ABCG8: variants seen among roughly 807,000 people sequenced by gnomAD.
ABCG8 encodes the protein ATP-binding cassette sub-family G member 8.
ABCG8 carries 81 observed loss-of-function variants against 71.3 expected under a neutral mutation model. That is an observed-to-expected ratio of 1.14 (90% CI 0.95 to 1.37). ABCG8 has a LOEUF of 1.37. ABCG8 is among the 40% of genes most tolerant of loss of function. The pLI is 0.00. For synonymous variants in ABCG8, 451 were observed against 354.7 expected (o/e 1.27, Z -3.05); for missense variants, 1,119 against 866.2 (o/e 1.29, Z -3.66).
chr2:43,839,032 G>T lies in ABCG8; in HGVS notation c.-22G>T. 6.4e-7 allele frequency: 1 copy of T among 1,550,474 alleles called. No homozygotes were observed. Among genetic ancestry groups the T allele is most frequent in the Non-Finnish European group, 8.7e-7 (1 of 1,146,518 alleles). On this transcript the variant is annotated 5_prime_UTR_variant, in exon 1 of 13. It adds an upstream start codon to the 5' untranslated region. Coordinates refer to ENST00000272286, the MANE Select transcript of ABCG8 (RefSeq NM_022437.3). ...CTGGGTCTAAGAGAGCTGCAGCCCAGGGTCACAGACCTGTGGGCCCCATGG... is the reference window on the plus strand; with the variant it reads ...CTGGGTCTAAGAGAGCTGCAGCCCATGGTCACAGACCTGTGGGCCCCATGG...
chr2:43,875,419 G>T lies in ABCG8; in HGVS notation c.1756+6G>T, dbSNP rs375563605. The T allele has an allele frequency of 5.7e-5, 92 of 1,611,648 alleles. No homozygotes were observed. In the Admixed American group the frequency reaches 5.8e-4, roughly 10 times the overall value. On this transcript the variant is annotated splice_donor_region_variant and intron_variant, in intron 11 of 12. Transcript: ENST00000272286. The stretch of plus-strand genomic sequence containing the variant: ...CTTGAGCAGCCTGTGGACAGGTAAG[G>T]CCTGCCCCCGGGGCCTGGGCCAGCT...
rs111586919 is a variant in ABCG8, at chr2:43,861,838, C to T, written c.964+8970C>T. Among the ~76,000 whole-genome samples the T allele has an allele frequency of 1.9e-3, 281 of 149,516 alleles. 1 individual carries two copies. The highest frequency in any genetic ancestry group is 6.6e-3 in the African/African-American group (270 of 40,722). On this transcript the variant is annotated intron_variant, in intron 6 of 12. Transcript: ENST00000272286. ...TAGAATTCTCACTCTCTGGGTAGAA[C>T]TCTCACTATCTATCTGGATAGAATT...
chr2:43,843,561 G>T (rs1288655174), intron 1 of ABCG8, among the ~76,000 whole-genome samples: 7 of 152,052 alleles, frequency 4.6e-5, no homozygotes, highest in African/African-American at 1.7e-4. Flanking sequence ...GGCTGAGGTG[G>T]GAGGATTGCT....
chr2:43,840,567 A>T (rs139601678), intron 1 of ABCG8, among the ~76,000 whole-genome samples: 256 of 152,338 alleles, frequency 1.7e-3, no homozygotes, highest in African/African-American at 4.5e-3. Flanking sequence ...GATGAGGGTC[A>T]CATTTCCTAT....
Position 43,874,005 on chromosome 2 carries a change from C to T in ABCG8, c.1411+19C>T. 1.2e-6 allele frequency: 2 copies of T among 1,612,908 alleles called. No homozygotes were observed. Among genetic ancestry groups the T allele is most frequent in the Non-Finnish European group, 1.7e-6 (2 of 1,179,852 alleles). On this transcript the variant is annotated intron_variant, in intron 9 of 12. Transcript: ENST00000272286. ...TCCAAATGTGAGTGTGGCCCACTGG[C>T]ATGGGCAGGCAGGACCTCAGCCACC... is the stretch of plus-strand genomic sequence containing the variant.
intron 6 of ABCG8, among the ~76,000 whole-genome samples, chr2:43,869,665 A>G (rs1457680100): frequency 1.3e-5 from 2 of 151,764 alleles, no homozygotes; most frequent in Non-Finnish European, 2.9e-5. Context: ...AAATTTCTCT[A>G]TCTATCTGGA....
At chr2:43,859,940 G>T (rs1024280617) in intron 6 of ABCG8, among the ~76,000 whole-genome samples, 7 of 150,848 alleles carry the variant, frequency 4.6e-5, no homozygotes, top group African/African-American at 1.7e-4. Context: ...TGTCTGGAGA[G>T]AATACTCATT....
Position 43,875,181 on chromosome 2 carries a change from C to T in ABCG8, c.1524C>T (p.Ile508=), listed in dbSNP as rs765267492. The T allele has an allele frequency of 3.7e-5, 59 of 1,614,122 alleles. No homozygotes were observed. Among genetic ancestry groups the T allele is most frequent in the Non-Finnish European group, 4.9e-5 (58 of 1,180,048 alleles). ...AGCTTCCGGAGCACTGTGCCTACAT[C>T]ATCATCTACGGGATGCCCACCTACT... ...LGELPEHCAY[I]IIYGMPTYWL... is the part of the protein sequence containing the mutation. Residue 508 remains isoleucine, a synonymous_variant, in exon 11 of 13, where the codon ATC becomes ATT. Coordinates refer to ENST00000272286, the MANE Select transcript of ABCG8 (RefSeq NM_022437.3).
intron 6 of ABCG8, among the ~76,000 whole-genome samples, chr2:43,856,814 C>T (rs1211855748): frequency 6.6e-6 from 1 of 151,412 alleles, no homozygotes; most frequent in African/African-American, 2.4e-5. Context: ...AATTCTCACC[C>T]TCTGGATAGA....
At chr2:43,866,563 G>A (rs1369826827) in intron 6 of ABCG8, among the ~76,000 whole-genome samples, 2 of 152,020 alleles carry the variant, frequency 1.3e-5, no homozygotes, top group African/African-American at 4.8e-5. Flanking sequence ...CTCAAAAGAA[G>A]ACATTTATGC....
chr2:43,869,065 C>T (rs1669653701), intron 6 of ABCG8, among the ~76,000 whole-genome samples: 1 of 152,144 alleles, frequency 6.6e-6, no homozygotes, highest in Non-Finnish European at 1.5e-5. Flanking sequence ...ACAACTCTCA[C>T]TATCTGGATA....
intron 6 of ABCG8, among the ~76,000 whole-genome samples, chr2:43,863,280 G>C (rs1669396513): frequency 6.6e-6 from 1 of 151,124 alleles, no homozygotes. Context: ...TATATACCTA[G>C]ATAGAATTCT....
At chr2:43,857,279 A>C (rs1360776727) in intron 6 of ABCG8, among the ~76,000 whole-genome samples, 1 of 150,960 alleles carries the variant, frequency 6.6e-6, no homozygotes, top group Non-Finnish European at 1.5e-5. Flanking sequence ...GGTCTGGATA[A>C]AATTCTCACC....
chr2:43,869,081 C>T (rs1669654104), intron 6 of ABCG8, among the ~76,000 whole-genome samples: 1 of 151,290 alleles, frequency 6.6e-6, no homozygotes, highest in Admixed American at 6.6e-5. Context: ...GGATAGAATT[C>T]TCATTCTCTG....
chr2:43,857,549 A>G lies in ABCG8; in HGVS notation c.964+4681A>G, dbSNP rs116428103. On this transcript the variant is annotated intron_variant, in intron 6 of 12. Coordinates refer to ENST00000272286, the MANE Select transcript of ABCG8 (RefSeq NM_022437.3). ...TGGAAAGAATTCTCAACATCTGGAT[A>G]GAATCCTCACTATCTGGATAGAATT... Among the ~76,000 whole-genome samples, 495 of 151,870 alleles carry G rather than the reference A, an allele frequency of 3.3e-3. 7 individuals are homozygous for G. The highest frequency in any genetic ancestry group is 0.011 in the African/African-American group (467 of 41,520).
Position 43,871,834 on chromosome 2 carries a change from C to G in ABCG8, c.965-142C>G, listed in dbSNP as rs956515242. ...CTGCCTCTCTCTGCTCTGCCCCTTG[C>G]TTCATGGCTGAGGGTGGGGAGAATG... On this transcript the variant is annotated intron_variant, in intron 6 of 12. Coordinates refer to ENST00000272286, the MANE Select transcript of ABCG8 (RefSeq NM_022437.3). The G allele has an allele frequency of 1.1e-5, 14 of 1,254,270 alleles. No homozygotes were observed. In the African/African-American group the frequency reaches 2.1e-4, roughly 19 times the overall value. The allele number at this position is 1,254,270 out of a possible 1,614,324, so 77.7% of individuals were successfully genotyped here.
rs375807484 is a variant in ABCG8, at chr2:43,872,028, G to A, written c.1017G>A (p.Arg339=). Residue 339 remains arginine (R), a synonymous_variant, in exon 7 of 13, where the codon AGG becomes AGA. Transcript: ENST00000272286. ...RRSREQELAT[R]EKAQSLAALF... is the part of the protein sequence containing the mutation. Reference sequence around the variant, plus strand: ...GCAGAGAGCAGGAATTGGCCACCAGGGAGAAGGCTCAGTCACTCGCAGCCC... The same window carrying A: ...GCAGAGAGCAGGAATTGGCCACCAGAGAGAAGGCTCAGTCACTCGCAGCCC... 1.2e-5 allele frequency: 20 copies of A among 1,613,998 alleles called. No homozygotes were observed. Among genetic ancestry groups the A allele is most frequent in the Admixed American group, 5.0e-5 (3 of 60,006 alleles).
intron 3 of ABCG8, chr2:43,846,990 G>GCGCGCGCA (rs1198377759): frequency 9.0e-6 from 1 of 110,838 alleles, no homozygotes; most frequent in Non-Finnish European, 1.8e-5. Flanking sequence ...ACGCGCGCGT[G>GCGCGCGCA]CACACACACA....
In ABCG8 at chr2:43,877,566, G is replaced by A. The variant is rs748833010; in HGVS notation, c.1762G>A (p.Ala588Thr). The part of the protein sequence containing the change: ...INLSSLWTVP[A>T]WISKVSFLRW... ...ACGCGGCTGTCTGTCTCCAGTGCCC[G>A]CGTGGATTTCCAAAGTGTCCTTCCT... The change falls in exon 12 of 13, where the codon GCG (alanine) becomes ACG (threonine). Residue 588 changes from alanine (A) to threonine (T), a missense_variant. Coordinates refer to ENST00000272286, the MANE Select transcript of ABCG8 (RefSeq NM_022437.3). 9.9e-6 allele frequency: 16 copies of A among 1,613,784 alleles called. No individual in the cohort carries two copies. The highest frequency in any genetic ancestry group is 6.7e-5 in the African/African-American group (5 of 74,866).
Sources: gnomAD v4.1 joint callset for allele counts (sites outside exome capture counted in the v4.1 genomes callset) on GRCh38, gnomAD v4.1.1 for gene constraint, MANE v1.5 for transcripts, NCBI Gene and HGNC (gene_info 2026-07-23, HGNC 2026-07-21) for gene names.